The following CSMD1 variants were observed in gnomAD, a reference collection of about 807,000 sequenced individuals.
CSMD1 encodes the protein CUB and Sushi multiple domains 1.
CSMD1 carries 213 observed loss-of-function variants against 417.5 expected under a neutral mutation model. The observed-to-expected ratio is 0.51, with a 90% CI of 0.46 to 0.57. CSMD1 has a LOEUF of 0.57. Among genes scored for constraint, CSMD1 ranks in the 20% least tolerant of loss-of-function variants. The probability of loss-of-function intolerance (pLI) is 0.00; values close to 1 mark genes in which losing one functional copy is unlikely to be tolerated. For synonymous variants in CSMD1, 2,862 were observed against 1,736.8 expected (o/e 1.65, Z -16.11); for missense variants, 6,923 against 4,529.7 (o/e 1.53, Z -15.17).
chr8:3,361,865 G>A (rs1315656439), intron 20 of CSMD1, among the ~76,000 whole-genome samples: 1 of 152,072 alleles, frequency 6.6e-6, no homozygotes, highest in South Asian at 2.1e-4. Context: ...ACACCATGAG[G>A]TTAGAAGGTG....
intron 2 of CSMD1, among the ~76,000 whole-genome samples, chr8:4,572,422 T>C (rs1378992996): frequency 6.6e-6 from 1 of 152,220 alleles, no homozygotes. Context: ...AATACTTTTC[T>C]TCAAGAATGT....
intron 1 of CSMD1, among the ~76,000 whole-genome samples, chr8:4,980,332 G>C (rs900810323): frequency 4.6e-5 from 7 of 152,194 alleles, no homozygotes; most frequent in African/African-American, 1.7e-4. Context: ...TACATTAGGA[G>C]AGAATCAGTG....
At chr8:4,013,409 G>T (rs76398724) in intron 4 of CSMD1, among the ~76,000 whole-genome samples, 1 of 152,052 alleles carries the variant, frequency 6.6e-6, no homozygotes, top group Non-Finnish European at 1.5e-5. Context: ...ACTCTGTCCC[G>T]TTCATTAGAG....
At chr8:3,098,293 A>G (rs1477571365) in intron 46 of CSMD1, among the ~76,000 whole-genome samples, 1 of 152,216 alleles carries the variant, frequency 6.6e-6, no homozygotes, top group Non-Finnish European at 1.5e-5. Context: ...AATGTGTGCT[A>G]TTTATACATA....
At chr8:4,147,397 C>G (rs543187425) in intron 3 of CSMD1, among the ~76,000 whole-genome samples, 1 of 152,196 alleles carries the variant, frequency 6.6e-6, no homozygotes, top group Admixed American at 6.5e-5. Context: ...ACTGCCTTCC[C>G]CACATGCTGC....
intron 1 of CSMD1, among the ~76,000 whole-genome samples, chr8:4,676,728 C>A (rs190253579): frequency 6.6e-6 from 1 of 151,954 alleles, no homozygotes. Context: ...CTAGATCTCT[C>A]CCCCAGCCCT....
intron 25 of CSMD1, among the ~76,000 whole-genome samples, chr8:3,295,895 G>A (rs187309929): frequency 5.1e-4 from 77 of 151,900 alleles, no homozygotes; most frequent in Admixed American, 3.4e-3. Flanking sequence ...ACATTTACTC[G>A]GCACCAAGAG....
chr8:3,277,084 G>C (rs1394832070), intron 26 of CSMD1, among the ~76,000 whole-genome samples: 1 of 152,118 alleles, frequency 6.6e-6, no homozygotes, highest in Admixed American at 6.5e-5. Flanking sequence ...AGTCCAGTGT[G>C]TAACAGGAAC....
intron 30 of CSMD1, 61 bp from the exon 31 acceptor site, chr8:3,205,681 G>A (rs1051239502): frequency 1.9e-5 from 14 of 735,936 alleles, no homozygotes; most frequent in Admixed American, 2.9e-5. Context: ...TGATAGGTGA[G>A]CCAAAGCTGA....
chr8:3,236,920 C>T (rs1197521228), intron 26 of CSMD1, among the ~76,000 whole-genome samples: 1 of 152,020 alleles, frequency 6.6e-6, no homozygotes, highest in Non-Finnish European at 1.5e-5. Flanking sequence ...CCTGGAAAAT[C>T]TCAAGTCACA....
intron 11 of CSMD1, among the ~76,000 whole-genome samples, chr8:3,490,724 G>T (rs531460406): frequency 1.3e-5 from 2 of 152,112 alleles, no homozygotes; most frequent in Admixed American, 1.3e-4. Flanking sequence ...TGACTTGCAG[G>T]CCCCTTTCTA....
chr8:3,991,057 A>G (rs556840466), intron 5 of CSMD1, among the ~76,000 whole-genome samples: 78 of 152,336 alleles, frequency 5.1e-4, no homozygotes, highest in African/African-American at 1.9e-3. Flanking sequence ...GGGCTGCAGC[A>G]TCTTTCCCAG....
At chr8:4,166,757 A>G (rs536647997) in intron 3 of CSMD1, among the ~76,000 whole-genome samples, 10 of 152,352 alleles carry the variant, frequency 6.6e-5, no homozygotes, top group Non-Finnish European at 1.5e-4. Context: ...CTATTGAAGC[A>G]TAAAAAAAGC....
rs1284088860 is a variant in CSMD1, at chr8:3,585,791, CG to C, written c.1222+344del. Among the ~76,000 whole-genome samples, 3 of 152,070 alleles carry C rather than the reference CG, an allele frequency of 2.0e-5. No homozygotes were observed. In the East Asian group the frequency reaches 5.8e-4, roughly 29 times the overall value. On this transcript the variant is annotated intron_variant, in intron 9 of 69. Transcript: ENST00000635120. ...AGGAAAGTGAACATTTTTAGGTTTG[CG>C]GGGTGCACAGAAACCTTTCCGGCAG...
At chr8:4,063,993 A>T (rs898885191) in intron 3 of CSMD1, among the ~76,000 whole-genome samples, 1 of 152,110 alleles carries the variant, frequency 6.6e-6, no homozygotes, top group African/African-American at 2.4e-5. Flanking sequence ...GAAAATGGGG[A>T]AATGAGTGTA....
At chr8:3,857,006 A>G (rs924968011) in intron 5 of CSMD1, among the ~76,000 whole-genome samples, 3 of 152,156 alleles carry the variant, frequency 2.0e-5, no homozygotes, top group African/African-American at 7.2e-5. Context: ...AAATTTTTGT[A>G]ATGGCATGGC....
At chr8:3,776,804 C>A (rs77852579) in intron 5 of CSMD1, among the ~76,000 whole-genome samples, 1 of 143,902 alleles carries the variant, frequency 6.9e-6, no homozygotes, top group African/African-American at 2.7e-5. Flanking sequence ...GACATATAGA[C>A]GAGATATATA....
chr8:4,640,162 G>A (rs887155311), intron 1 of CSMD1, among the ~76,000 whole-genome samples: 2 of 152,150 alleles, frequency 1.3e-5, no homozygotes, highest in Admixed American at 6.5e-5. Flanking sequence ...TGCATTCAGG[G>A]TACTAATGAG....
intron 3 of CSMD1, among the ~76,000 whole-genome samples, chr8:4,186,846 A>AAT (rs1554486424): frequency 6.6e-6 from 1 of 150,636 alleles, no homozygotes; most frequent in African/African-American, 2.4e-5. Flanking sequence ...AAAAAAAAAA[A>AAT]TCAGCCGGGC....
Sources: allele counts gnomAD v4.1 joint callset (sites outside exome capture counted in the v4.1 genomes callset), GRCh38; gene constraint gnomAD v4.1.1; transcripts MANE v1.5; gene names NCBI Gene and HGNC (gene_info 2026-07-23, HGNC 2026-07-21).